SIAH3: variants seen among roughly 807,000 people sequenced by gnomAD.
The protein encoded by SIAH3 is siah E3 ubiquitin protein ligase family member 3.
SIAH3 carries 9 observed loss-of-function variants against 12.6 expected under a neutral mutation model. The observed-to-expected ratio is 0.72, with a 90% CI of 0.43 to 1.25. The LOEUF (loss-of-function observed/expected upper bound fraction) is 1.25, where lower values mean the gene tolerates loss of function less well. SIAH3 is among the 50% of genes most tolerant of loss of function. The pLI, the probability that SIAH3 is intolerant of heterozygous loss-of-function variation, is 0.00. For synonymous variants in SIAH3, 154 were observed against 151.1 expected (o/e 1.02, Z -0.14); for missense variants, 390 against 365.4 (o/e 1.07, Z -0.55).
Position 45,824,635 on chromosome 13 carries a change from G to C in SIAH3, c.135+26860C>G, listed in dbSNP as rs1950667269. On this transcript the variant is annotated intron_variant, in intron 1 of 1. Transcript: ENST00000400405. ...GGAGTTGAAAACCACTGTGGGGAAAGAGACCAGTGCTAAATGTCTTTGGAC... is the reference window on the plus strand; with the variant it reads ...GGAGTTGAAAACCACTGTGGGGAAACAGACCAGTGCTAAATGTCTTTGGAC... Among the ~76,000 whole-genome samples, 4 of 152,144 alleles carry C rather than the reference G, an allele frequency of 2.6e-5. No individual in the cohort carries two copies. The South Asian group carries it at 6.2e-4, about 24-fold the overall frequency.
intron 1 of SIAH3, among the ~76,000 whole-genome samples, chr13:45,833,116 A>C (rs1566096375): frequency 6.6e-6 from 1 of 152,240 alleles, no homozygotes; most frequent in Non-Finnish European, 1.5e-5. Context: ...TGAGGTACCC[A>C]TTATAGTGGG....
intron 1 of SIAH3, among the ~76,000 whole-genome samples, chr13:45,784,403 T>G (rs1236254790): frequency 1.4e-5 from 2 of 146,176 alleles, no homozygotes; most frequent in African/African-American, 5.3e-5. Context: ...CAGCTGTTTT[T>G]TTTTTTTTTT....
chr13:45,823,283 C>T (rs1041536502), intron 1 of SIAH3, among the ~76,000 whole-genome samples: 37 of 152,106 alleles, frequency 2.4e-4, no homozygotes, highest in Admixed American at 1.0e-3. Flanking sequence ...GGGGTGGGCA[C>T]CTACAGCTGG....
chr13:45,814,620 A>G (rs1950627827), intron 1 of SIAH3, among the ~76,000 whole-genome samples: 1 of 152,192 alleles, frequency 6.6e-6, no homozygotes, highest in Non-Finnish European at 1.5e-5. Context: ...GCCCCTCCCC[A>G]CAACCCCACA....
intron 1 of SIAH3, among the ~76,000 whole-genome samples, chr13:45,843,018 T>TTC (rs796481841): frequency 5.7e-4 from 82 of 143,270 alleles, no homozygotes; most frequent in Middle Eastern, 3.4e-3. Flanking sequence ...TTGCCATTAT[T>TTC]TCTCTCTCTC....
intron 1 of SIAH3, among the ~76,000 whole-genome samples, chr13:45,843,796 T>G (rs548818044): frequency 6.6e-6 from 1 of 151,408 alleles, no homozygotes; most frequent in South Asian, 2.1e-4. Context: ...AGGTGGGGAG[T>G]GTGGGGAGTC....
chr13:45,851,348 G>C, intron 1 of SIAH3, 147 bp downstream of exon 1: 1 of 1,039,898 alleles, frequency 9.6e-7, no homozygotes, highest in Non-Finnish European at 1.4e-6. Context: ...AGTGAGCCGA[G>C]GCAAACACGC....
At chr13:45,849,332 CA>C (rs1157138907) in intron 1 of SIAH3, among the ~76,000 whole-genome samples, 1 of 152,204 alleles carries the variant, frequency 6.6e-6, no homozygotes, top group Non-Finnish European at 1.5e-5. Context: ...TATGTCCTCT[CA>C]AAGCATACGT....
At chr13:45,820,045 C>A (rs768314272) in intron 1 of SIAH3, among the ~76,000 whole-genome samples, 7 of 152,166 alleles carry the variant, frequency 4.6e-5, no homozygotes, top group Non-Finnish European at 7.4e-5. Context: ...GGCAAGAGAG[C>A]CGAATGCTGT....
At chr13:45,850,557 G>T (rs1024248838) in intron 1 of SIAH3, among the ~76,000 whole-genome samples, 3 of 152,104 alleles carry the variant, frequency 2.0e-5, no homozygotes, top group African/African-American at 7.2e-5. Flanking sequence ...CCCATCCGGG[G>T]AGTTCAGCTG....
intron 1 of SIAH3, among the ~76,000 whole-genome samples, chr13:45,821,998 T>A (rs961792566): frequency 1.3e-5 from 2 of 152,200 alleles, no homozygotes; most frequent in Non-Finnish European, 2.9e-5. Flanking sequence ...AGGGAATGCT[T>A]CACACCTGTG....
intron 1 of SIAH3, among the ~76,000 whole-genome samples, chr13:45,829,880 C>A (rs888779951): frequency 6.6e-6 from 1 of 152,100 alleles, no homozygotes; most frequent in Non-Finnish European, 1.5e-5. Context: ...CCATGATGAA[C>A]CACACCCCAG....
intron 1 of SIAH3, among the ~76,000 whole-genome samples, chr13:45,812,113 T>C (rs1950618309): frequency 6.6e-6 from 1 of 152,236 alleles, no homozygotes; most frequent in Non-Finnish European, 1.5e-5. Flanking sequence ...ATGTTTGGAA[T>C]GGACCCAGGG....
chr13:45,793,411 T>G (rs1201150991), intron 1 of SIAH3, among the ~76,000 whole-genome samples: 2 of 152,328 alleles, frequency 1.3e-5, no homozygotes, highest in East Asian at 3.9e-4. Context: ...CAGATTAAGT[T>G]GTGTTCATCC....
chr13:45,829,490 T>C (rs1950690927), intron 1 of SIAH3, among the ~76,000 whole-genome samples: 1 of 152,112 alleles, frequency 6.6e-6, no homozygotes, highest in African/African-American at 2.4e-5. Context: ...CAACCTTTAG[T>C]CCCAGCTACT....
chr13:45,839,784 A>G (rs1950733604), intron 1 of SIAH3, among the ~76,000 whole-genome samples: 1 of 152,152 alleles, frequency 6.6e-6, no homozygotes, highest in Non-Finnish European at 1.5e-5. Context: ...GTGAGCTGAG[A>G]TCGCACCACT....
intron 1 of SIAH3, among the ~76,000 whole-genome samples, chr13:45,850,714 C>T (rs1430899885): frequency 6.6e-6 from 1 of 152,046 alleles, no homozygotes; most frequent in Non-Finnish European, 1.5e-5. Context: ...TCTAAAAGGG[C>T]ACTGACCTGA....
intron 1 of SIAH3, among the ~76,000 whole-genome samples, chr13:45,788,088 G>C (rs1950534020): frequency 6.6e-6 from 1 of 152,202 alleles, no homozygotes; most frequent in Admixed American, 6.5e-5. Flanking sequence ...TACACTCATT[G>C]AGACCTGTGT....
chr13:45,784,872 T>C (rs1289208157), intron 1 of SIAH3, among the ~76,000 whole-genome samples: 1 of 152,224 alleles, frequency 6.6e-6, no homozygotes, highest in Non-Finnish European at 1.5e-5. Context: ...GAACATTTAT[T>C]GAGCATCTGC....
Sources: gnomAD v4.1 joint callset for allele counts (sites outside exome capture counted in the v4.1 genomes callset) on GRCh38, gnomAD v4.1.1 for gene constraint, MANE v1.5 for transcripts, NCBI Gene and HGNC (gene_info 2026-07-23, HGNC 2026-07-21) for gene names.